Variants in COL27A1 observed in about 807,000 individuals in gnomAD.
COL27A1 encodes collagen alpha-1(XXVII) chain.
COL27A1 carries 106 observed loss-of-function variants against 251.3 expected under a neutral mutation model. The ratio of observed to expected loss-of-function variants is 0.42; its 90% confidence interval spans 0.36 to 0.50. The LOEUF (loss-of-function observed/expected upper bound fraction) is 0.50. Among genes scored for constraint, COL27A1 ranks in the 20% least tolerant of loss-of-function variants. The probability of loss-of-function intolerance (pLI) is 0.00; values close to 1 mark genes in which losing one functional copy is unlikely to be tolerated. For synonymous variants in COL27A1, 1,000 were observed against 986.3 expected, an observed-to-expected ratio of 1.01 and a Z score of -0.26; for missense variants, 2,325 against 2,522.8, an observed-to-expected ratio of 0.92 and a Z score of 1.68.
chr9:114,254,032 G>A (rs181130476), intron 27 of COL27A1, among the ~76,000 whole-genome samples: 62 of 152,276 alleles, frequency 4.1e-4, no homozygotes, highest in African/African-American at 1.4e-3. Flanking sequence ...TTTTAGTAGA[G>A]ATGGGGTTTT....
At chr9:114,256,366 A>G (rs1002629211) in intron 27 of COL27A1, among the ~76,000 whole-genome samples, 1 of 152,102 alleles carries the variant, frequency 6.6e-6, no homozygotes, top group East Asian at 1.9e-4. Flanking sequence ...GGCGGCGGGC[A>G]CCTGTAGTCC....
chr9:114,245,408 C>T (rs1214364225), intron 23 of COL27A1, among the ~76,000 whole-genome samples: 3 of 152,066 alleles, frequency 2.0e-5, no homozygotes, highest in Non-Finnish European at 2.9e-5. Flanking sequence ...TCGCCTGCCT[C>T]GGGTTCCCAA....
At chr9:114,223,017 A>G (rs1405541694) in intron 14 of COL27A1, among the ~76,000 whole-genome samples, 1 of 152,114 alleles carries the variant, frequency 6.6e-6, no homozygotes, top group African/African-American at 2.4e-5. Context: ...ATACACGAGG[A>G]GGTGGGAGGC....
At position 114,168,813 on chromosome 9, in the gene COL27A1, C is replaced by G. The variant is rs375099559; in HGVS notation, c.1258C>G (p.Arg420Gly). 5.6e-6 allele frequency: 9 copies of G among 1,613,910 alleles called. No homozygotes were observed. In the Admixed American group the frequency reaches 1.3e-4, roughly 24 times the overall value. ...CCGTCCAGTTCCTGCCAGAGTCTCCCGTCCCGCAGAGAAGCCCATCCAGAG... is the reference window on the plus strand; with the variant it reads ...CCGTCCAGTTCCTGCCAGAGTCTCCGGTCCCGCAGAGAAGCCCATCCAGAG... ...TSRPVPARVS[R>G]PAEKPIQRNP... The change falls in exon 3 of 61, where the codon CGT becomes GGT. Residue 420 changes from arginine to glycine, a missense_variant. Physicochemically the swap from Arg to Gly is moderately radical, Grantham distance 125. This residue lies in a region of COL27A1 where 1,183 missense variants were observed against 1,144.1 expected (regional missense o/e 1.03). Coordinates refer to ENST00000356083, the MANE Select transcript of COL27A1 (RefSeq NM_032888.4).
Position 114,307,646 on chromosome 9 carries a change from C to T in COL27A1, c.5108-23C>T, listed in dbSNP as rs762584419. ...GCTCATCCCCCAGATACATACATCACCTCCATCCCACGCTGCCTGCAGGTA... is the reference window on the plus strand; with the variant it reads ...GCTCATCCCCCAGATACATACATCATCTCCATCCCACGCTGCCTGCAGGTA... On this transcript the variant is annotated intron_variant, in intron 58 of 60. Coordinates refer to ENST00000356083, the MANE Select transcript of COL27A1 (RefSeq NM_032888.4). The T allele has an allele frequency of 2.0e-5, 31 of 1,532,844 alleles. 1 individual carries two copies. In the South Asian group the frequency reaches 3.5e-4, roughly 17 times the overall value. The allele number at this position is 1,532,844 out of a possible 1,614,324, so 95.0% of individuals were successfully genotyped here. A position where few individuals can be genotyped will look rare whatever the true frequency, so the allele number is the denominator to read the frequency against.
intron 4 of COL27A1, among the ~76,000 whole-genome samples, chr9:114,180,609 G>C (rs1011417893): frequency 1.3e-5 from 2 of 152,168 alleles, no homozygotes; most frequent in Non-Finnish European, 2.9e-5. Context: ...TGCACAGATG[G>C]GGGCTCTGGG....
chr9:114,171,178 G>A (rs771945607), intron 3 of COL27A1, among the ~76,000 whole-genome samples: 1 of 150,444 alleles, frequency 6.6e-6, no homozygotes, highest in Non-Finnish European at 1.5e-5. Context: ...AATGAAACTG[G>A]TCAGTCAGTG....
At chr9:114,174,567 G>T (rs763398052) in intron 3 of COL27A1, among the ~76,000 whole-genome samples, 1 of 152,188 alleles carries the variant, frequency 6.6e-6, no homozygotes, top group Non-Finnish European at 1.5e-5. Context: ...GAAGCCAGAG[G>T]TCAAGGAAGG....
chr9:114,252,786 C>A, intron 26 of COL27A1, 93 bp from the exon 27 acceptor site: 5 of 1,446,000 alleles, frequency 3.5e-6, no homozygotes, highest in Non-Finnish European at 4.9e-6. Flanking sequence ...CTGCTGTCCT[C>A]CTGGCTTTGC....
intron 56 of COL27A1, among the ~76,000 whole-genome samples, chr9:114,303,819 T>C (rs1377936484): frequency 6.6e-6 from 1 of 152,158 alleles, no homozygotes; most frequent in East Asian, 1.9e-4. Context: ...TGCAAAGTTA[T>C]ATTAGACTAT....
chr9:114,288,009 C>T (rs62555447), intron 41 of COL27A1, among the ~76,000 whole-genome samples: 6,869 of 152,278 alleles, frequency 0.045, 222 homozygotes, highest in Admixed American at 0.069. Context: ...CCCTGCCGGG[C>T]GTCGCGCATC....
intron 16 of COL27A1, among the ~76,000 whole-genome samples, chr9:114,232,310 G>A (rs1272491854): frequency 2.6e-5 from 4 of 152,160 alleles, no homozygotes; most frequent in Admixed American, 6.5e-5. Flanking sequence ...CCCCTGACCC[G>A]CTTCTCCTCC....
chr9:114,302,657 A>G (rs979554479), intron 56 of COL27A1, among the ~76,000 whole-genome samples: 1 of 151,516 alleles, frequency 6.6e-6, no homozygotes, highest in African/African-American at 2.4e-5. Context: ...GCAGTGAGCC[A>G]AGATCGAGCC....
chr9:114,178,440 T>G, intron 4 of COL27A1, 96 bp downstream of exon 4: 1 of 1,111,752 alleles, frequency 9.0e-7, no homozygotes, highest in Non-Finnish European at 1.4e-6. Context: ...TGTCCTCAGG[T>G]TCTTCCCTCC....
intron 24 of COL27A1, among the ~76,000 whole-genome samples, chr9:114,247,693 A>C (rs1253860352): frequency 6.6e-6 from 1 of 152,126 alleles, no homozygotes; most frequent in East Asian, 1.9e-4. Context: ...CAGAGCTGGA[A>C]CCCTGTGGCT....
At chr9:114,270,184 G>A (rs937696408) in intron 35 of COL27A1, among the ~76,000 whole-genome samples, 1 of 152,150 alleles carries the variant, frequency 6.6e-6, no homozygotes, top group African/African-American at 2.4e-5. Flanking sequence ...GGTATGGGGC[G>A]CTTACACCAT....
chr9:114,297,350 C>T (rs923502830), intron 49 of COL27A1, among the ~76,000 whole-genome samples: 3 of 152,068 alleles, frequency 2.0e-5, no homozygotes, highest in African/African-American at 7.2e-5. Context: ...TATCCTGATA[C>T]CCCAACCAGA....
chr9:114,266,300 G>A (rs1834737344), intron 32 of COL27A1, among the ~76,000 whole-genome samples: 1 of 152,106 alleles, frequency 6.6e-6, no homozygotes, highest in East Asian at 1.9e-4. Flanking sequence ...AGACTCAAGA[G>A]CTAGGAGGTT....
At chr9:114,249,519 C>T (rs1219108093) in intron 24 of COL27A1, among the ~76,000 whole-genome samples, 1 of 152,182 alleles carries the variant, frequency 6.6e-6, no homozygotes, top group Non-Finnish European at 1.5e-5. Context: ...GCCACACAAC[C>T]AGAGCGGACA....
Sources: allele counts gnomAD v4.1 joint callset (sites outside exome capture counted in the v4.1 genomes callset), GRCh38; gene constraint gnomAD v4.1.1; regional missense constraint gnomAD v4.1.1; transcripts MANE v1.5; gene names NCBI Gene and HGNC (gene_info 2026-07-23, HGNC 2026-07-21).